The following PDXDC1 variants were observed in gnomAD, a reference collection of about 807,000 sequenced individuals.
The protein encoded by PDXDC1 is pyridoxal dependent decarboxylase domain containing 1.
Under a neutral mutation model 100.1 loss-of-function variants are expected in PDXDC1, and 42 were observed. The observed-to-expected ratio is 0.42, with a 90% confidence interval of 0.33 to 0.54. PDXDC1 has a LOEUF of 0.54. Among genes scored for constraint, PDXDC1 ranks in the 20% least tolerant of loss-of-function variants. PDXDC1 has a pLI of 0.10. For missense variants in PDXDC1, 636 were observed against 979.2 expected, an observed-to-expected ratio of 0.65 and a Z score of 4.68; for synonymous variants, 260 against 371.7, an observed-to-expected ratio of 0.70 and a Z score of 3.46.
intron 16 of PDXDC1, chr16:15,091,220 G>C (rs2046118932): frequency 6.7e-7 from 1 of 1,490,694 alleles, no homozygotes; most frequent in Non-Finnish European, 9.2e-7. Context: ...CATGGAGAGA[G>C]CAAGTTCTGG....
intron 16 of PDXDC1, chr16:15,080,192 A>G (rs2045640520): frequency 1.4e-6 from 2 of 1,441,856 alleles, no homozygotes; most frequent in Non-Finnish European, 1.8e-6. Context: ...TTAGTTTCAA[A>G]TATTTAAAAA....
intron 16 of PDXDC1, among the ~76,000 whole-genome samples, chr16:15,096,308 C>G (rs2046355361): frequency 6.6e-6 from 1 of 152,012 alleles, no homozygotes. Context: ...AGGGTTTCAC[C>G]ATGTTGGCCA....
intron 16 of PDXDC1, among the ~76,000 whole-genome samples, chr16:15,063,565 G>A (rs1290482345): frequency 1.6e-4 from 24 of 151,742 alleles, no homozygotes; most frequent in South Asian, 2.1e-4. Flanking sequence ...AAAATTAGCC[G>A]GGTGTGGTGG....
chr16:14,977,810 CAA>C (rs1435289544), intron 1 of PDXDC1, among the ~76,000 whole-genome samples: 2 of 152,262 alleles, frequency 1.3e-5, no homozygotes, highest in Non-Finnish European at 2.9e-5. Flanking sequence ...AATATAAACT[CAA>C]GAGCTATGTG....
rs749251646 is a variant in PDXDC1 at position 15,035,452 on chromosome 16, C to T, written c.2006C>T (p.Ser669Phe). The T allele has an allele frequency of 6.2e-7, 1 of 1,602,798 alleles. No homozygotes were observed. The highest frequency in any genetic ancestry group is 1.1e-5 in the South Asian group (1 of 89,876). Residue 669 changes from serine to phenylalanine, a missense_variant, in exon 22 of 23, where the codon TCT becomes TTT. Physicochemically the swap from Ser to Phe is radical, Grantham distance 155. Transcript: ENST00000396410. ...CCAGCCCTCTCCTCTCCCGCAGGCTCTCTGGAGTCCACAGAACCCATATAT... is the reference window on the plus strand; with the variant it reads ...CCAGCCCTCTCCTCTCCCGCAGGCTTTCTGGAGTCCACAGAACCCATATAT... ...KGRTFNLTAG[S>F]LESTEPIYVY...
At chr16:15,054,707 T>G (rs2044432292) in intron 16 of PDXDC1, among the ~76,000 whole-genome samples, 1 of 152,190 alleles carries the variant, frequency 6.6e-6, no homozygotes, top group Non-Finnish European at 1.5e-5. Context: ...TGACCTCATT[T>G]ATGCAGCAAA....
At chr16:14,976,263 C>T (rs1567595287) in intron 1 of PDXDC1, among the ~76,000 whole-genome samples, 1 of 152,398 alleles carries the variant, frequency 6.6e-6, no homozygotes, top group Admixed American at 6.5e-5. Flanking sequence ...CATTCAGGAG[C>T]AATGCTCGTG....
chr16:15,131,087 C>G, intron 16 of PDXDC1: 20 of 1,605,998 alleles, frequency 1.2e-5, no homozygotes, highest in Non-Finnish European at 1.6e-5. Flanking sequence ...CTGCACGCAC[C>G]GTCCAGCAGC....
intron 16 of PDXDC1, among the ~76,000 whole-genome samples, chr16:15,129,239 C>T (rs1255907722): frequency 6.6e-6 from 1 of 151,486 alleles, no homozygotes; most frequent in Middle Eastern, 3.2e-3. Context: ...CAGGCCGAGG[C>T]AGGCGGATCA....
Position 15,034,530 on chromosome 16 carries a change from G to T in PDXDC1, c.1979G>T (p.Gly660Val). Residue 660 changes from glycine to valine, a missense_variant, in exon 21 of 23, where the codon GGA becomes GTA. Gly to Val is a moderately radical substitution (Grantham distance 109, BLOSUM62 -3). Transcript: ENST00000396410. The part of the protein sequence containing the change: ...WFSPVQALQK[G>V]RTFNLTAGSL... Reference sequence around the variant, plus strand: ...TCTCCGGTCCAGGCTTTACAGAAGGGAAGAACTTTTAACTTGACAGCAGGT... The same window carrying T: ...TCTCCGGTCCAGGCTTTACAGAAGGTAAGAACTTTTAACTTGACAGCAGGT... 1 of 1,613,966 alleles carries T rather than the reference G, an allele frequency of 6.2e-7. No homozygotes were observed. Among genetic ancestry groups the T allele is most frequent in the Non-Finnish European group, 8.5e-7 (1 of 1,179,892 alleles).
intron 21 of PDXDC1, 150 bp downstream of exon 21, chr16:15,034,703 T>C: frequency 1.5e-6 from 1 of 665,136 alleles, no homozygotes. Flanking sequence ...AGACAAGTTC[T>C]GGTGTGCCCT....
intron 16 of PDXDC1, among the ~76,000 whole-genome samples, chr16:15,049,684 C>T (rs1037376481): frequency 2.6e-5 from 4 of 152,134 alleles, no homozygotes. Context: ...CCTTGGCCTC[C>T]CAAGGTGCTG....
At chr16:15,104,402 TTGGG>T in intron 16 of PDXDC1, 3 of 1,591,490 alleles carry the variant, frequency 1.9e-6, no homozygotes, top group Non-Finnish European at 1.7e-6. Context: ...GCAGACACAC[TTGGG>T]AGGTGTCTTG....
chr16:14,980,263 C>T (rs1298735125), intron 1 of PDXDC1, among the ~76,000 whole-genome samples: 8 of 152,278 alleles, frequency 5.3e-5, no homozygotes, highest in Non-Finnish European at 8.8e-5. Flanking sequence ...TTGATTTCAT[C>T]TGTTGTCACC....
chr16:15,064,617 C>T (rs1015969776), intron 16 of PDXDC1, among the ~76,000 whole-genome samples: 2 of 152,214 alleles, frequency 1.3e-5, no homozygotes, highest in Non-Finnish European at 2.9e-5. Context: ...ATTAACCTTA[C>T]ATGTTTAAAT....
At chr16:15,056,061 G>A (rs1024848000) in intron 16 of PDXDC1, 27 of 477,800 alleles carry the variant, frequency 5.7e-5, no homozygotes, top group Non-Finnish European at 6.8e-5. Flanking sequence ...CCCTCGGGCC[G>A]CGCGTCCCGC....
intron 16 of PDXDC1, among the ~76,000 whole-genome samples, chr16:15,075,458 T>A (rs1247057652): frequency 6.6e-6 from 1 of 151,506 alleles, no homozygotes; most frequent in Non-Finnish European, 1.5e-5. Context: ...TAGTCCCAGC[T>A]ACTCGGGGAG....
rs1452080591 is a variant in PDXDC1, at chr16:14,996,098, G to A, written c.22-1655G>A. Among the ~76,000 whole-genome samples, 6 of 152,258 alleles carry A rather than the reference G, an allele frequency of 3.9e-5. No homozygotes were observed. In the East Asian group the frequency reaches 9.6e-4, roughly 24 times the overall value. On this transcript the variant is annotated intron_variant, in intron 1 of 22. Coordinates refer to ENST00000396410, the MANE Select transcript of PDXDC1 (RefSeq NM_015027.4). ...TGCTAGGGAGTTAGAAGCCCCAACT[G>A]CTTACCTAACCCTTCCTTCTCAGAG... is the stretch of plus-strand genomic sequence containing the variant.
intron 16 of PDXDC1, chr16:15,086,303 A>C: frequency 6.2e-7 from 1 of 1,601,312 alleles, no homozygotes; most frequent in South Asian, 1.1e-5. Flanking sequence ...TATTAATATA[A>C]CATATACTAT....
Sources: gnomAD v4.1 joint callset for allele counts (sites outside exome capture counted in the v4.1 genomes callset) on GRCh38, gnomAD v4.1.1 for gene constraint, MANE v1.5 for transcripts, NCBI Gene and HGNC (gene_info 2026-07-23, HGNC 2026-07-21) for gene names.